The following CDC37L1 variants were observed in gnomAD, a reference collection of about 807,000 sequenced individuals.
CDC37L1 encodes the protein cell division cycle 37 like 1, HSP90 cochaperone.
CDC37L1 carries 32 observed loss-of-function variants against 45.9 expected under a neutral mutation model. That is an observed-to-expected ratio of 0.70 (90% confidence interval 0.53 to 0.94). The LOEUF is 0.94. Ranked by LOEUF, CDC37L1 falls within the 40% of genes least tolerant of loss-of-function variation. The pLI, the probability that CDC37L1 is intolerant of heterozygous loss-of-function variation, is 0.00. For missense variants in CDC37L1, 434 were observed against 405.7 expected (o/e 1.07, Z -0.60); for synonymous variants, 150 against 133.0 (o/e 1.13, Z -0.88).
chr9:4,679,937 G>A (rs1266330671), intron 1 of CDC37L1, 38 bp downstream of exon 1: 8 of 1,610,136 alleles, frequency 5.0e-6, no homozygotes, highest in Non-Finnish European at 6.8e-6. Flanking sequence ...GGATGGAGTG[G>A]TGCTGTCGCC....
In CDC37L1 at chr9:4,697,803, A is replaced by C; in HGVS notation, c.671A>C (p.Gln224Pro). 1.3e-6 allele frequency: 2 copies of C among 1,589,656 alleles called. No individual in the cohort carries two copies. The highest frequency in any genetic ancestry group is 1.7e-6 in the Non-Finnish European group (2 of 1,157,912). The change falls in exon 5 of 7, where the codon CAG (glutamine) becomes CCG (proline). Residue 224 changes from glutamine (Q) to proline (P), a missense_variant. Physicochemically the swap from Gln to Pro is moderately conservative, Grantham distance 76. Coordinates refer to ENST00000381854, the MANE Select transcript of CDC37L1 (RefSeq NM_017913.4). ...EQIAHQAVVM[Q>P]FIMEMAKNCN... ...ATAGCACATCAAGCTGTTGTAATGC[A>C]GTTTATTATGGAAATGGCCAAAAAC... is the stretch of plus-strand genomic sequence containing the variant.
intron 6 of CDC37L1, among the ~76,000 whole-genome samples, chr9:4,704,347 A>G (rs939712675): frequency 7.9e-5 from 12 of 152,234 alleles, no homozygotes; most frequent in African/African-American, 2.9e-4. Context: ...ATTCACCTAT[A>G]CCACAGACTG....
At chr9:4,691,225 T>G (rs1587618632) in intron 3 of CDC37L1, among the ~76,000 whole-genome samples, 5 of 152,382 alleles carry the variant, frequency 3.3e-5, no homozygotes, top group Admixed American at 3.3e-4. Context: ...TGCAGGTTTG[T>G]TACATAGGTA....
rs1018878243 is a variant in CDC37L1 at position 4,688,432 on chromosome 9, A to T, written c.415-81A>T. The stretch of plus-strand genomic sequence containing the variant: ...ACCACATATATTGTCTATAGGAAGA[A>T]TTGCTAGATATTCAGTATCTGAGAA... On this transcript the variant is annotated intron_variant, in intron 2 of 6. Transcript: ENST00000381854. The T allele has an allele frequency of 7.9e-6, 6 of 758,482 alleles. No homozygotes were observed. In the African/African-American group the frequency reaches 1.1e-4, roughly 14 times the overall value. 47.0% of individuals were successfully genotyped at this position (758,482 alleles called of 1,614,324 possible).
chr9:4,705,053 A>G (rs1387482843), intron 6 of CDC37L1, among the ~76,000 whole-genome samples: 2 of 152,186 alleles, frequency 1.3e-5, no homozygotes, highest in African/African-American at 2.4e-5. Flanking sequence ...GACTTTTAGA[A>G]TAAAGGAATC....
Position 4,699,022 on chromosome 9 carries a change from CTCAGTTTTCATTTCTAACAG to C in CDC37L1, c.747+1145_747+1164del, listed in dbSNP as rs531973564. Among the ~76,000 whole-genome samples, 8 of 151,896 alleles carry C rather than the reference CTCAGTTTTCATTTCTAACAG, an allele frequency of 5.3e-5. No homozygotes were observed. The South Asian group carries it at 1.7e-3, about 32-fold the overall frequency. On this transcript the variant is annotated intron_variant, in intron 5 of 6. Coordinates refer to ENST00000381854, the MANE Select transcript of CDC37L1 (RefSeq NM_017913.4). Reference sequence around the variant, plus strand: ...TTTTTAGTTAATGTTTTAAAAATTCCTCAGTTTTCATTTCTAACAGTAAATACTGACAGATACAACTCACA... The same window carrying C: ...TTTTTAGTTAATGTTTTAAAAATTCCTAAATACTGACAGATACAACTCACA...
chr9:4,701,869 G>C lies in CDC37L1; in HGVS notation c.753G>C (p.Glu251Asp). ...TTTTTTTTTGTTTTTTCTAGGCAGAGGAAGAAGGTTATTTTGAAGCATTCA... is the reference window on the plus strand; with the variant it reads ...TTTTTTTTTGTTTTTTCTAGGCAGACGAAGAAGGTTATTTTGAAGCATTCA... ...FRLFFQKAKA[E>D]EEGYFEAFKN... The change falls in exon 6 of 7, where the codon GAG becomes GAC. Residue 251 changes from glutamate to aspartate, a missense_variant. Coordinates refer to ENST00000381854, the MANE Select transcript of CDC37L1 (RefSeq NM_017913.4). 1 of 1,597,310 alleles carries C rather than the reference G, an allele frequency of 6.3e-7. No individual in the cohort carries two copies. Among genetic ancestry groups the C allele is most frequent in the Non-Finnish European group, 8.5e-7 (1 of 1,174,180 alleles).
chr9:4,692,969 G>C (rs979278600), intron 3 of CDC37L1, among the ~76,000 whole-genome samples: 1 of 152,068 alleles, frequency 6.6e-6, no homozygotes, highest in Non-Finnish European at 1.5e-5. Context: ...AAGTAAGATG[G>C]GTTTACGTGC....
chr9:4,686,779 C>T (rs909380872), intron 2 of CDC37L1, among the ~76,000 whole-genome samples: 6 of 152,114 alleles, frequency 3.9e-5, no homozygotes, highest in African/African-American at 1.4e-4. Flanking sequence ...CTGCACTATC[C>T]AACTTGATAG....
intron 3 of CDC37L1, among the ~76,000 whole-genome samples, chr9:4,695,859 C>A (rs922207838): frequency 1.3e-5 from 2 of 152,176 alleles, no homozygotes; most frequent in Non-Finnish European, 2.9e-5. Context: ...GGTGCAATCT[C>A]GGCTCGCTGC....
rs1022267801 is a variant in CDC37L1, at chr9:4,707,353, G to A, written c.*1241G>A. ...TTAACATAAGCTTTGGTTATATTTG[G>A]GTGTAGTCTTTGGCTAAGTACCCAT... On this transcript the variant is annotated 3_prime_UTR_variant, in exon 7 of 7. Coordinates refer to ENST00000381854, the MANE Select transcript of CDC37L1 (RefSeq NM_017913.4). The A allele has an allele frequency of 1.3e-5, 1 of 74,714 alleles. No homozygotes were observed. The highest frequency in any genetic ancestry group is 7.9e-5 in the African/African-American group (1 of 12,688). The allele number at this position is 74,714 out of a possible 1,614,324, so 4.6% of individuals were successfully genotyped here. A position where few individuals can be genotyped will look rare whatever the true frequency, so the allele number is the denominator to read the frequency against.
intron 3 of CDC37L1, among the ~76,000 whole-genome samples, chr9:4,691,585 T>C (rs1841301406): frequency 6.6e-6 from 1 of 152,132 alleles, no homozygotes; most frequent in African/African-American, 2.4e-5. Context: ...CTGGTGTGTG[T>C]GGGGGCTGTA....
chr9:4,689,084 A>G (rs978115017), intron 3 of CDC37L1, among the ~76,000 whole-genome samples: 3 of 152,122 alleles, frequency 2.0e-5, no homozygotes, highest in African/African-American at 2.4e-5. Context: ...GGTTTTTTCT[A>G]TTGGGGAAAA....
intron 6 of CDC37L1, among the ~76,000 whole-genome samples, chr9:4,704,959 G>C (rs949857749): frequency 4.6e-5 from 7 of 152,290 alleles, no homozygotes; most frequent in South Asian, 2.1e-4. Context: ...CCCAGTGTGA[G>C]TGTCCCAGAC....
chr9:4,702,492 A>G lies in CDC37L1; in HGVS notation c.912+464A>G, dbSNP rs927898424. 5.9e-5 allele frequency among the ~76,000 whole-genome samples: 9 copies of G among 152,328 alleles called. 1 individual carries two copies. Among genetic ancestry groups the G allele is most frequent in the Admixed American group, 1.3e-4 (2 of 15,296 alleles). On this transcript the variant is annotated intron_variant, in intron 6 of 6. Coordinates refer to ENST00000381854, the MANE Select transcript of CDC37L1 (RefSeq NM_017913.4). ...AAATGTTGGGTCTACCAGATATAAC[A>G]TTTTTAGAACACATTAATGTAGCTG... is the stretch of plus-strand genomic sequence containing the variant.
intron 6 of CDC37L1, chr9:4,703,087 C>T: frequency 6.5e-7 from 1 of 1,542,074 alleles, no homozygotes; most frequent in South Asian, 1.2e-5. Context: ...CATTTCCAGG[C>T]TCCAAGATTT....
intron 6 of CDC37L1, 61 bp from the exon 7 acceptor site, chr9:4,705,950 C>A: frequency 2.6e-6 from 2 of 780,438 alleles, no homozygotes; most frequent in Non-Finnish European, 2.3e-6. Flanking sequence ...TATGTACTGT[C>A]ATAAAACTGG....
At chr9:4,692,478 C>T (rs1006378062) in intron 3 of CDC37L1, among the ~76,000 whole-genome samples, 3 of 152,108 alleles carry the variant, frequency 2.0e-5, no homozygotes, top group African/African-American at 7.2e-5. Context: ...CCATGTTGGC[C>T]AGGCTGGCCT....
chr9:4,703,837 T>C (rs1841420711), intron 6 of CDC37L1, among the ~76,000 whole-genome samples: 1 of 152,210 alleles, frequency 6.6e-6, no homozygotes, highest in South Asian at 2.1e-4. Context: ...ATGGGGGGAC[T>C]AGAATTATAC....
Sources: allele counts gnomAD v4.1 joint callset (sites outside exome capture counted in the v4.1 genomes callset), GRCh38; gene constraint gnomAD v4.1.1; transcripts MANE v1.5; gene names NCBI Gene and HGNC (gene_info 2026-07-23, HGNC 2026-07-21).